Variants in RGL1 observed in about 807,000 individuals in gnomAD.
RGL1 encodes ral guanine nucleotide dissociation stimulator-like 1.
RGL1 carries 24 observed loss-of-function variants against 95.2 expected under a neutral mutation model. The observed-to-expected ratio is 0.25, with a 90% CI of 0.18 to 0.35. RGL1 has a LOEUF of 0.35. RGL1 is among the 10% of genes least tolerant of loss of function. The probability of loss-of-function intolerance (pLI) is 1.00; values close to 1 mark genes in which losing one functional copy is unlikely to be tolerated. For missense variants in RGL1, 715 were observed against 936.3 expected (o/e 0.76, Z 3.08); for synonymous variants, 329 against 344.9 (o/e 0.95, Z 0.51).
chr1:183,923,387 A>G (rs1209462606), intron 17 of RGL1, among the ~76,000 whole-genome samples: 3 of 152,186 alleles, frequency 2.0e-5, no homozygotes. Context: ...TTTCTCATTC[A>G]TTCAGCTGAG....
rs186093535 is a variant in RGL1 at position 183,926,187 on chromosome 1, C to T, written c.2202C>T (p.Asn734=). The part of the protein sequence containing the change: ...VNFDFILRKK[N]SMEEQVKLRS... ...TTGACTTCATTTTGCGCAAAAAGAA[C>T]TCCATGGAAGAACAAGTGAAACTGC... is the stretch of plus-strand genomic sequence containing the variant. Residue 734 remains asparagine (N), a synonymous_variant, in exon 18 of 18, where the codon AAC becomes AAT. Transcript: ENST00000360851. The T allele has an allele frequency of 9.3e-6, 15 of 1,614,140 alleles. No homozygotes were observed. Among genetic ancestry groups the T allele is most frequent in the Non-Finnish European group, 1.3e-5 (15 of 1,179,992 alleles).
At chr1:183,833,964 G>GT (rs59912489) in intron 2 of RGL1, among the ~76,000 whole-genome samples, 9,636 of 140,498 alleles carry the variant, frequency 0.069, 407 homozygotes, top group South Asian at 0.11. Context: ...ATCTCTCTCT[G>GT]TTTTTTTTTT....
chr1:183,768,359 C>T (rs1659095589), intron 2 of RGL1, among the ~76,000 whole-genome samples: 1 of 151,776 alleles, frequency 6.6e-6, no homozygotes, highest in Admixed American at 6.6e-5. Context: ...TCTTCATATC[C>T]ATAACTTTCT....
At chr1:183,794,507 C>A (rs185699019) in intron 2 of RGL1, among the ~76,000 whole-genome samples, 1 of 152,180 alleles carries the variant, frequency 6.6e-6, no homozygotes, top group Non-Finnish European at 1.5e-5. Flanking sequence ...TTGCTCACTG[C>A]ACATTGTATG....
At chr1:183,810,046 C>A (rs1276083522) in intron 2 of RGL1, among the ~76,000 whole-genome samples, 1 of 152,074 alleles carries the variant, frequency 6.6e-6, no homozygotes, top group Admixed American at 6.5e-5. Flanking sequence ...TGTCTTTGGT[C>A]CCAGTGTTGT....
chr1:183,875,033 A>G (rs965530984), intron 4 of RGL1, among the ~76,000 whole-genome samples: 5 of 152,224 alleles, frequency 3.3e-5, no homozygotes, highest in African/African-American at 1.2e-4. Flanking sequence ...CCGTCTGCGT[A>G]AATCTTCTTA....
intron 1 of RGL1, among the ~76,000 whole-genome samples, chr1:183,714,407 T>C (rs1655491765): frequency 6.6e-6 from 1 of 152,178 alleles, no homozygotes. Flanking sequence ...TTCCATCTAT[T>C]CTAGCTTTGC....
chr1:183,695,348 G>A (rs973001180), intron 1 of RGL1, among the ~76,000 whole-genome samples: 2 of 152,182 alleles, frequency 1.3e-5, no homozygotes, highest in South Asian at 2.1e-4. Context: ...GTTAGTCCAG[G>A]GTTAATATGT....
intron 1 of RGL1, among the ~76,000 whole-genome samples, chr1:183,733,892 G>A (rs949242640): frequency 2.0e-5 from 3 of 152,190 alleles, no homozygotes; most frequent in Admixed American, 6.5e-5. Context: ...TTGCTACTTA[G>A]AGACTGTGAG....
At chr1:183,719,764 G>A (rs934457096) in intron 1 of RGL1, among the ~76,000 whole-genome samples, 3 of 152,126 alleles carry the variant, frequency 2.0e-5, no homozygotes, top group Non-Finnish European at 2.9e-5. Context: ...AAATTAGCTG[G>A]GCATGGTGGC....
At chr1:183,738,090 T>C (rs1657052277) in intron 1 of RGL1, among the ~76,000 whole-genome samples, 1 of 152,218 alleles carries the variant, frequency 6.6e-6, no homozygotes, top group African/African-American at 2.4e-5. Flanking sequence ...GGTATTTGCC[T>C]GGAGGTTGTC....
rs564319077 is a variant in RGL1, at chr1:183,787,835, A to G, written c.133-18540A>G. ...TTAAAAAAAACAAAAACAAAAAAAA[A>G]AGAGCCTGGCACCTCCCCGCTGTCT... On this transcript the variant is annotated intron_variant, in intron 2 of 18. Coordinates refer to the RGL1 transcript ENST00000304685. Among the ~76,000 whole-genome samples, 137 of 151,984 alleles carry G rather than the reference A, an allele frequency of 9.0e-4. 1 individual carries two copies. Among genetic ancestry groups the G allele is most frequent in the Non-Finnish European group, 1.6e-3 (110 of 67,942 alleles).
intron 1 of RGL1, among the ~76,000 whole-genome samples, chr1:183,678,934 G>C (rs964797783): frequency 2.0e-5 from 3 of 152,196 alleles, no homozygotes; most frequent in Admixed American, 1.3e-4. Flanking sequence ...AGCCGCTAGG[G>C]CTGGGCATTT....
chr1:183,715,577 T>G (rs1655569003), intron 1 of RGL1, among the ~76,000 whole-genome samples: 1 of 152,170 alleles, frequency 6.6e-6, no homozygotes, highest in East Asian at 1.9e-4. Context: ...TAACACTTTA[T>G]TTTCACATAA....
upstream of RGL1, among the ~76,000 whole-genome samples, chr1:183,802,600 C>CAAA (rs34038144): frequency 0.049 from 4,335 of 88,378 alleles, 107 homozygotes; most frequent in Non-Finnish European, 0.067. Context: ...GGTGTATCAG[C>CAAA]AAAAAAAAAA....
At chr1:183,661,932 G>A (rs989742231) in intron 1 of RGL1, among the ~76,000 whole-genome samples, 31 of 150,042 alleles carry the variant, frequency 2.1e-4, no homozygotes, top group South Asian at 4.2e-4. Flanking sequence ...ATGTAATCCA[G>A]CATATAAACA....
chr1:183,795,821 T>C (rs1385179986), intron 2 of RGL1, among the ~76,000 whole-genome samples: 1 of 152,178 alleles, frequency 6.6e-6, no homozygotes, highest in African/African-American at 2.4e-5. Context: ...ACTCAGTAAA[T>C]GTTGCTCATT....
At chr1:183,913,037 G>C (rs2102733921) in intron 15 of RGL1, among the ~76,000 whole-genome samples, 1 of 152,186 alleles carries the variant, frequency 6.6e-6, no homozygotes, top group South Asian at 2.1e-4. Context: ...TGGTAACAAG[G>C]ATACATTCTC....
At chr1:183,848,518 C>T (rs1664600863) in intron 3 of RGL1, among the ~76,000 whole-genome samples, 2 of 152,132 alleles carry the variant, frequency 1.3e-5, no homozygotes, top group Admixed American at 6.5e-5. Flanking sequence ...GGGTTTCCTG[C>T]ATAAGGAAGG....
Sources: gnomAD v4.1 joint callset for allele counts (sites outside exome capture counted in the v4.1 genomes callset) on GRCh38, gnomAD v4.1.1 for gene constraint, MANE v1.5 for transcripts, NCBI Gene and HGNC (gene_info 2026-07-23, HGNC 2026-07-21) for gene names.